Variants in WNK3 observed in about 807,000 individuals in gnomAD.
WNK3 encodes the protein WNK lysine deficient protein kinase 3.
Under a neutral mutation model 116.7 loss-of-function variants are expected in WNK3, and 18 were observed. The ratio of observed to expected loss-of-function variants is 0.15; its 90% confidence interval spans 0.11 to 0.23. The LOEUF (loss-of-function observed/expected upper bound fraction) is 0.23. WNK3 is among the 10% of genes least tolerant of loss of function. The probability of loss-of-function intolerance (pLI) is 1.00; values close to 1 mark genes in which losing one functional copy is unlikely to be tolerated. For synonymous variants in WNK3, 404 were observed against 469.4 expected (o/e 0.86, Z 1.80); for missense variants, 993 against 1,323.8 (o/e 0.75, Z 3.88).
intron 22 of WNK3, among the ~76,000 whole-genome samples, chrX:54,210,403 T>C (rs1346325733): frequency 8.9e-6 from 1 of 112,186 alleles, no homozygotes; most frequent in Non-Finnish European, 1.9e-5. Context: ...GGAGGATTGC[T>C]TGAGGTCAGG....
At chrX:54,240,785 G>A (rs144313403) in intron 17 of WNK3, among the ~76,000 whole-genome samples, 45 of 111,446 alleles carry the variant, frequency 4.0e-4, no homozygotes, top group Non-Finnish European at 7.0e-4. Context: ...CTCTTTCAAT[G>A]TTATCTCTTA....
exon 17 of WNK3, chrX:54,249,248 T>G (rs1398919624): frequency 4.1e-6 from 5 of 1,209,899 alleles, no homozygotes; most frequent in Non-Finnish European, 5.6e-6. Flanking sequence ...AATGCCAGAG[T>G]TGTAAGAGAG....
chrX:54,351,106 C>G (rs1259968705), intron 1 of WNK3, among the ~76,000 whole-genome samples: 1 of 110,670 alleles, frequency 9.0e-6, no homozygotes, highest in Non-Finnish European at 1.9e-5. Flanking sequence ...GTAGTCAAAG[C>G]TAGAGAAGCA....
At chrX:54,294,887 T>C (rs1569538196) in intron 7 of WNK3, 40 bp from the exon 8 acceptor site, 12 of 1,077,476 alleles carry the variant, frequency 1.1e-5, no homozygotes, top group Non-Finnish European at 1.5e-5. Flanking sequence ...TTCTTTAACA[T>C]TTAAGATTTT....
exon 16 of WNK3, chrX:54,250,051 A>G: frequency 2.5e-6 from 3 of 1,203,624 alleles, no homozygotes; most frequent in Non-Finnish European, 3.4e-6. Flanking sequence ...GAAGGAGGAG[A>G]CTGAGTCTCA....
intron 10 of WNK3, among the ~76,000 whole-genome samples, chrX:54,282,912 A>G (rs1240643530): frequency 3.6e-5 from 4 of 112,140 alleles, no homozygotes; most frequent in Non-Finnish European, 5.6e-5. Flanking sequence ...ATCAAACAAT[A>G]GTTTCTTAGA....
At chrX:54,337,463 G>A (rs1041924657) in intron 1 of WNK3, among the ~76,000 whole-genome samples, 1 of 108,801 alleles carries the variant, frequency 9.2e-6, no homozygotes, top group Non-Finnish European at 1.9e-5. Context: ...CAGAGGCTGA[G>A]GCAGAGAATT....
At chrX:54,319,838 A>T (rs1272185417) in intron 2 of WNK3, among the ~76,000 whole-genome samples, 1 of 112,134 alleles carries the variant, frequency 8.9e-6, no homozygotes, top group Non-Finnish European at 1.9e-5. Flanking sequence ...TTTGGTAGAG[A>T]AACTTTCACA....
chrX:54,324,403 A>G (rs1383835488), intron 2 of WNK3, among the ~76,000 whole-genome samples: 1 of 112,228 alleles, frequency 8.9e-6, no homozygotes, highest in Non-Finnish European at 1.9e-5. Context: ...AAATCTATCA[A>G]GCAAATAATT....
exon 20 of WNK3, chrX:54,237,156 G>A: frequency 8.3e-7 from 1 of 1,211,927 alleles, no homozygotes; most frequent in Non-Finnish European, 1.1e-6. Context: ...CACTATCAGA[G>A]CTAGGCTGTT....
chrX:54,344,875 T>C (rs1374731511), intron 1 of WNK3, among the ~76,000 whole-genome samples: 140 of 75,609 alleles, frequency 1.9e-3, no homozygotes, highest in Middle Eastern at 0.01. Context: ...ACCCGGGAGG[T>C]GGAGCTTGCA....
intron 2 of WNK3, among the ~76,000 whole-genome samples, chrX:54,314,786 A>G (rs967623498): frequency 9.0e-6 from 1 of 111,455 alleles, no homozygotes; most frequent in Non-Finnish European, 1.9e-5. Flanking sequence ...CTGTCTCAAA[A>G]AACAAAGAGA....
chrX:54,267,783 G>A (rs1175734241), intron 10 of WNK3, among the ~76,000 whole-genome samples: 3 of 109,851 alleles, frequency 2.7e-5, no homozygotes, highest in East Asian at 2.9e-4. Context: ...GTAACAGAGC[G>A]AGACTCTCTC....
intron 10 of WNK3, among the ~76,000 whole-genome samples, chrX:54,276,524 G>C (rs1557160975): frequency 9.0e-6 from 1 of 110,735 alleles, no homozygotes; most frequent in Non-Finnish European, 1.9e-5. Flanking sequence ...CTTCAACAAA[G>C]TATTAGTAAA....
intron 1 of WNK3, among the ~76,000 whole-genome samples, chrX:54,347,713 T>TATATATATATACACATATATATATACAC (rs2069455121): frequency 5.8e-5 from 5 of 85,609 alleles, no homozygotes; most frequent in African/African-American, 3.6e-4. Flanking sequence ...TATATACACA[T>TATATATATATACACATATATATATACAC]ATATATATAT....
intron 2 of WNK3, among the ~76,000 whole-genome samples, chrX:54,330,804 A>G (rs1466780564): frequency 2.7e-5 from 3 of 110,971 alleles, no homozygotes; most frequent in African/African-American, 9.8e-5. Flanking sequence ...ACAAACCTGC[A>G]CGTTGTGCAC....
intron 2 of WNK3, among the ~76,000 whole-genome samples, chrX:54,320,404 G>A (rs188658931): frequency 8.9e-4 from 100 of 112,256 alleles, no homozygotes; most frequent in African/African-American, 3.2e-3. Context: ...AATGTGAAAG[G>A]AGAAATCATT....
chrX:54,240,550 GCCTT>G (rs1410444511), intron 17 of WNK3, among the ~76,000 whole-genome samples: 2 of 111,662 alleles, frequency 1.8e-5, no homozygotes, highest in Admixed American at 1.9e-4. Flanking sequence ...ATTTGTTCTA[GCCTT>G]CCTTATCAAT....
chrX:54,295,746 G>A (rs2068691451), intron 7 of WNK3, among the ~76,000 whole-genome samples: 1 of 104,943 alleles, frequency 9.5e-6, no homozygotes, highest in Non-Finnish European at 1.9e-5. Context: ...AGAATGCAGT[G>A]GTACAATGAT....
Sources: allele counts gnomAD v4.1 joint callset (sites outside exome capture counted in the v4.1 genomes callset), GRCh38; gene constraint gnomAD v4.1.1; transcripts MANE v1.5; gene names NCBI Gene and HGNC (gene_info 2026-07-23, HGNC 2026-07-21).